The following NFIA variants were observed in gnomAD, a reference collection of about 807,000 sequenced individuals.
NFIA encodes nuclear factor 1 A-type.
Under a neutral mutation model 62.8 loss-of-function variants are expected in NFIA, and 8 were observed. The observed-to-expected ratio is 0.13, with a 90% confidence interval of 0.07 to 0.23. The LOEUF is 0.23. Ranked by LOEUF, NFIA falls within the 10% of genes least tolerant of loss-of-function variation. The pLI, the probability that NFIA is intolerant of heterozygous loss-of-function variation, is 1.00. For missense variants in NFIA, 410 were observed against 642.1 expected, an observed-to-expected ratio of 0.64 and a Z score of 3.91; for synonymous variants, 235 against 238.1, an observed-to-expected ratio of 0.99 and a Z score of 0.12.
At chr1:61,106,100 C>CATCCATCT (rs374045804) in intron 2 of NFIA, among the ~76,000 whole-genome samples, 1 of 149,046 alleles carries the variant, frequency 6.7e-6, no homozygotes, top group African/African-American at 2.5e-5. Context: ...CTCTCTCATG[C>CATCCATCT]ATCTATCTAT....
intron 6 of NFIA, among the ~76,000 whole-genome samples, chr1:61,374,297 G>C (rs1340337436): frequency 6.6e-6 from 1 of 152,016 alleles, no homozygotes; most frequent in Non-Finnish European, 1.5e-5. Context: ...TTGCTATGTT[G>C]AGCTAAAATC....
At chr1:61,157,678 T>C (rs1648908712) in intron 2 of NFIA, among the ~76,000 whole-genome samples, 1 of 152,194 alleles carries the variant, frequency 6.6e-6, no homozygotes, top group African/African-American at 2.4e-5. Flanking sequence ...CTGTGGTTTT[T>C]CTTTTACTCT....
At chr1:61,431,559 T>C (rs1667097306) in intron 10 of NFIA, among the ~76,000 whole-genome samples, 1 of 152,242 alleles carries the variant, frequency 6.6e-6, no homozygotes, top group African/African-American at 2.4e-5. Flanking sequence ...TGGGCCTGAT[T>C]TGTTGACAAA....
At chr1:61,275,399 A>T (rs1177885529) in intron 2 of NFIA, among the ~76,000 whole-genome samples, 1 of 152,246 alleles carries the variant, frequency 6.6e-6, no homozygotes, top group Non-Finnish European at 1.5e-5. Flanking sequence ...AAATAAAAAA[A>T]ATTTAGGGTC....
intron 3 of NFIA, among the ~76,000 whole-genome samples, chr1:61,291,475 C>T (rs1386448677): frequency 6.6e-6 from 1 of 152,004 alleles, no homozygotes; most frequent in Non-Finnish European, 1.5e-5. Context: ...AAGAGAGGCA[C>T]AAAAATTGAC....
intron 2 of NFIA, among the ~76,000 whole-genome samples, chr1:61,238,802 T>G (rs780526395): frequency 4.3e-4 from 65 of 152,172 alleles, no homozygotes; most frequent in Admixed American, 6.5e-4. Context: ...TGTAAACCTT[T>G]GGTGTCTGGG....
intron 6 of NFIA, among the ~76,000 whole-genome samples, chr1:61,371,799 A>G (rs1003488982): frequency 1.3e-5 from 2 of 152,180 alleles, no homozygotes; most frequent in Non-Finnish European, 2.9e-5. Context: ...ATTGAGACAC[A>G]TATGGAAATA....
At position 61,344,847 on chromosome 1, in the gene NFIA, A is replaced by T. The variant is rs114832422; in HGVS notation, c.701-7603A>T. On this transcript the variant is annotated intron_variant, in intron 4 of 10. Coordinates refer to ENST00000403491, the MANE Select transcript of NFIA (RefSeq NM_001134673.4). ...GAGTAGCTCAAAAATTTGTATGGAA[A>T]TTTTTTCCATCATCCTCTCTTTCCA... 5.8e-3 allele frequency among the ~76,000 whole-genome samples: 882 copies of T among 152,206 alleles called. 14 individuals are homozygous for T. Among genetic ancestry groups the T allele is most frequent in the African/African-American group, 0.021 (856 of 41,510 alleles).
intron 2 of NFIA, among the ~76,000 whole-genome samples, chr1:61,098,228 C>CT (rs1646449409): frequency 6.6e-6 from 1 of 152,056 alleles, no homozygotes; most frequent in Non-Finnish European, 1.5e-5. Context: ...TAACATGTTG[C>CT]TGATGGAAAA....
At chr1:61,210,372 C>A (rs1478320409) in intron 2 of NFIA, among the ~76,000 whole-genome samples, 1 of 152,160 alleles carries the variant, frequency 6.6e-6, no homozygotes, top group African/African-American at 2.4e-5. Flanking sequence ...AAAACCATTT[C>A]TTTGAATAAA....
At chr1:61,232,021 C>T (rs960101221) in intron 2 of NFIA, among the ~76,000 whole-genome samples, 2 of 152,038 alleles carry the variant, frequency 1.3e-5, no homozygotes, top group African/African-American at 4.8e-5. Context: ...GAGGCTGGAA[C>T]CTTAGTTTTC....
intron 2 of NFIA, among the ~76,000 whole-genome samples, chr1:61,090,146 ATTTGT>A (rs995325723): frequency 6.6e-6 from 1 of 152,170 alleles, no homozygotes; most frequent in African/African-American, 2.4e-5. Context: ...GTTGTTGTTC[ATTTGT>A]TTTGTTTACT....
chr1:61,221,550 A>G (rs1368854095), intron 2 of NFIA, among the ~76,000 whole-genome samples: 1 of 152,174 alleles, frequency 6.6e-6, no homozygotes, highest in Non-Finnish European at 1.5e-5. Context: ...TTTATAGAGA[A>G]CAGTAGAAAT....
chr1:61,102,329 T>C (rs1646525386), intron 2 of NFIA, among the ~76,000 whole-genome samples: 1 of 152,208 alleles, frequency 6.6e-6, no homozygotes, highest in South Asian at 2.1e-4. Flanking sequence ...GAAAACCATG[T>C]TGCTTCATAT....
rs879027317 is a variant in NFIA at position 61,455,466 on chromosome 1, A to G, written c.*146A>G. 9 of 1,348,906 alleles carry G rather than the reference A, an allele frequency of 6.7e-6. No homozygotes were observed. Among genetic ancestry groups the G allele is most frequent in the Non-Finnish European group, 8.4e-6 (8 of 955,222 alleles). The allele number at this position is 1,348,906 out of a possible 1,614,324, so 83.6% of individuals were successfully genotyped here. The stretch of plus-strand genomic sequence containing the variant: ...CCGATTCAAATCAACTTGTACATGG[A>G]AACAGCAAGCATTATGGTCAAACAG... On this transcript the variant is annotated 3_prime_UTR_variant, in exon 11 of 11. Coordinates refer to ENST00000403491, the MANE Select transcript of NFIA (RefSeq NM_001134673.4).
intron 4 of NFIA, among the ~76,000 whole-genome samples, chr1:61,344,891 G>C (rs527564024): frequency 2.0e-4 from 30 of 152,286 alleles, no homozygotes; most frequent in African/African-American, 6.7e-4. Flanking sequence ...AGCCTGAGCA[G>C]CTTGTCTCTG....
At chr1:61,421,875 C>CT (rs1341837767) in intron 9 of NFIA, among the ~76,000 whole-genome samples, 1 of 152,224 alleles carries the variant, frequency 6.6e-6, no homozygotes, top group Non-Finnish European at 1.5e-5. Flanking sequence ...AACCTTGAAA[C>CT]TAACTGCCTG....
intron 2 of NFIA, among the ~76,000 whole-genome samples, chr1:61,268,358 T>G (rs968556169): frequency 2.0e-5 from 3 of 152,178 alleles, no homozygotes; most frequent in South Asian, 2.1e-4. Context: ...TCATTTATTC[T>G]GTGGTTTCAA....
At chr1:61,099,456 T>C (rs529697198) in intron 2 of NFIA, among the ~76,000 whole-genome samples, 75 of 152,344 alleles carry the variant, frequency 4.9e-4, no homozygotes, top group African/African-American at 1.7e-3. Flanking sequence ...CTTTAAACTC[T>C]TTTGGCAATT....
Sources: allele counts gnomAD v4.1 joint callset (sites outside exome capture counted in the v4.1 genomes callset), GRCh38; gene constraint gnomAD v4.1.1; transcripts MANE v1.5; gene names NCBI Gene and HGNC (gene_info 2026-07-23, HGNC 2026-07-21).